NGEF: variants seen among roughly 807,000 people sequenced by gnomAD.
NGEF encodes neuronal guanine nucleotide exchange factor.
NGEF carries 31 observed loss-of-function variants against 80.9 expected under a neutral mutation model. The ratio of observed to expected loss-of-function variants is 0.38; its 90% CI spans 0.29 to 0.52. The LOEUF (loss-of-function observed/expected upper bound fraction) is 0.52. NGEF is among the 20% of genes least tolerant of loss of function. The pLI, the probability that NGEF is intolerant of heterozygous loss-of-function variation, is 0.84. For missense variants in NGEF, 709 were observed against 926.2 expected, an observed-to-expected ratio of 0.77 and a Z score of 3.04; for synonymous variants, 371 against 370.2, an observed-to-expected ratio of 1.00 and a Z score of -0.03.
At chr2:232,937,452 A>C (rs1472783318) in intron 3 of NGEF, among the ~76,000 whole-genome samples, 3 of 152,190 alleles carry the variant, frequency 2.0e-5, no homozygotes, top group Non-Finnish European at 4.4e-5. Context: ...TTCATTGCTC[A>C]ATGGAGTTAA....
chr2:232,983,615 G>A (rs11674826), intron 1 of NGEF, among the ~76,000 whole-genome samples: 8,701 of 152,198 alleles, frequency 0.057, 429 homozygotes, highest in East Asian at 0.21. Context: ...TCATTAACAC[G>A]CTAGGAGAGG....
chr2:232,924,167 G>A (rs1693009084), intron 4 of NGEF, among the ~76,000 whole-genome samples: 1 of 152,150 alleles, frequency 6.6e-6, no homozygotes, highest in Non-Finnish European at 1.5e-5. Flanking sequence ...AACCCGGGAG[G>A]AGGAGGCTGC....
At chr2:232,948,613 G>A (rs915044368) in intron 3 of NGEF, among the ~76,000 whole-genome samples, 8 of 152,094 alleles carry the variant, frequency 5.3e-5, no homozygotes, top group African/African-American at 1.7e-4. Flanking sequence ...AGCTTATTGT[G>A]CTATTCTTTT....
chr2:232,927,265 C>T (rs1693093173), intron 3 of NGEF, 79 bp from the exon 4 acceptor site: 3 of 1,446,654 alleles, frequency 2.1e-6, no homozygotes, highest in Non-Finnish European at 2.7e-6. Context: ...GGGGCGTGCG[C>T]ACAGGCGGCT....
chr2:232,977,259 C>T lies in NGEF; in HGVS notation c.-74-2295G>A, dbSNP rs568852208. Among the ~76,000 whole-genome samples, 27 of 152,240 alleles carry T rather than the reference C, an allele frequency of 1.8e-4. 2 individuals carry two copies. In the East Asian group the frequency reaches 3.5e-3, roughly 20 times the overall value. ...TCCACCAGAAAAGTGGCTGCAAGGA[C>T]GGGCAGAGACTCGGGAGGGACGAGG... On this transcript the variant is annotated intron_variant, in intron 1 of 14. Coordinates refer to ENST00000264051, the MANE Select transcript of NGEF (RefSeq NM_019850.3).
intron 13 of NGEF, among the ~76,000 whole-genome samples, chr2:232,881,609 C>T (rs1032217972): frequency 6.6e-6 from 1 of 152,118 alleles, no homozygotes; most frequent in African/African-American, 2.4e-5. Flanking sequence ...CTTTTTGAGA[C>T]AGAGTCTCCC....
At chr2:232,947,676 T>C (rs1247526377) in intron 3 of NGEF, among the ~76,000 whole-genome samples, 1 of 152,170 alleles carries the variant, frequency 6.6e-6, no homozygotes, top group Non-Finnish European at 1.5e-5. Flanking sequence ...GTCAACTAAA[T>C]CTCTTTCCTT....
chr2:232,977,683 T>C (rs934235316), intron 1 of NGEF, among the ~76,000 whole-genome samples: 2 of 152,120 alleles, frequency 1.3e-5, no homozygotes, highest in Non-Finnish European at 2.9e-5. Context: ...TGCCAGTCTG[T>C]GGAGGCCTCT....
intron 2 of NGEF, 123 bp downstream of exon 2, chr2:232,974,500 T>C (rs1056817202): frequency 1.4e-5 from 16 of 1,179,302 alleles, no homozygotes; most frequent in Non-Finnish European, 1.8e-5. Flanking sequence ...CACTACCCTG[T>C]TGAAACTGTC....
At chr2:232,997,117 G>A (rs1180853921) in intron 1 of NGEF, among the ~76,000 whole-genome samples, 1 of 150,848 alleles carries the variant, frequency 6.6e-6, no homozygotes, top group Non-Finnish European at 1.5e-5. Flanking sequence ...GTGCCGTGTG[G>A]CAGTGGTTCT....
At chr2:232,905,317 TGGTCTCCA>T (rs1292266458) in intron 5 of NGEF, among the ~76,000 whole-genome samples, 1 of 152,252 alleles carries the variant, frequency 6.6e-6, no homozygotes, top group Non-Finnish European at 1.5e-5. Flanking sequence ...TTGGCCGGGC[TGGTCTCCA>T]GCTCCTAACC....
rs1232823648 is a variant in NGEF at position 232,892,051 on chromosome 2, C to G, written c.1143-564G>C. On this transcript the variant is annotated intron_variant, in intron 7 of 14. Coordinates refer to ENST00000264051, the MANE Select transcript of NGEF (RefSeq NM_019850.3). The surrounding 1 kb of genome is among the most constrained non-coding windows in gnomAD (Gnocchi z 4.0). ...CTGTCACTCAGCCTCTGTGCTCACACGGCCTGGCGGGGGCCACAGCGGCAG... is the reference window on the plus strand; with the variant it reads ...CTGTCACTCAGCCTCTGTGCTCACAGGGCCTGGCGGGGGCCACAGCGGCAG... Among the ~76,000 whole-genome samples, 2 of 151,970 alleles carry G rather than the reference C, an allele frequency of 1.3e-5. No individual in the cohort carries two copies. The highest frequency in any genetic ancestry group is 6.6e-5 in the Admixed American group (1 of 15,262).
chr2:232,942,108 C>T (rs1693449263), intron 3 of NGEF, among the ~76,000 whole-genome samples: 1 of 152,234 alleles, frequency 6.6e-6, no homozygotes, highest in Non-Finnish European at 1.5e-5. Context: ...CTTCCCTGCC[C>T]TCCTGCATGG....
chr2:232,946,061 T>TGA (rs1335089927), intron 3 of NGEF, among the ~76,000 whole-genome samples: 6 of 108,440 alleles, frequency 5.5e-5, no homozygotes, highest in Non-Finnish European at 1.1e-4. Flanking sequence ...AATATATATC[T>TGA]GATATATATA....
rs767101955 is a variant in NGEF, at chr2:232,912,273, T to G, written c.828+8011A>C. 8.4e-4 allele frequency among the ~76,000 whole-genome samples: 128 copies of G among 151,568 alleles called. 1 individual carries two copies. Among genetic ancestry groups the G allele is most frequent in the Non-Finnish European group, 1.7e-3 (112 of 67,762 alleles). ...ATCAATTGTTGTAGTAACCATGCAGTTTTTTTTTCTTGTTTAGACTGTTAA... is the reference window on the plus strand; with the variant it reads ...ATCAATTGTTGTAGTAACCATGCAGGTTTTTTTTCTTGTTTAGACTGTTAA... On this transcript the variant is annotated intron_variant, in intron 5 of 14. Coordinates refer to ENST00000264051, the MANE Select transcript of NGEF (RefSeq NM_019850.3).
chr2:232,970,112 T>A (rs1364807429), intron 3 of NGEF, 102 bp downstream of exon 3: 2 of 528,184 alleles, frequency 3.8e-6, no homozygotes, highest in African/African-American at 2.0e-5. Flanking sequence ...TATTATTATT[T>A]TTTTTAACAT....
At chr2:232,974,440 C>T (rs552091861) in intron 2 of NGEF, among the ~76,000 whole-genome samples, 183 bp downstream of exon 2, 47 of 152,204 alleles carry the variant, frequency 3.1e-4, no homozygotes, top group Non-Finnish European at 5.3e-4. Flanking sequence ...TAAGTACACA[C>T]GTCATCATAG....
intron 2 of NGEF, 112 bp from the exon 3 acceptor site, chr2:232,970,440 A>C (rs75687703): frequency 0.11 from 71,085 of 676,878 alleles, 4,449 homozygotes; most frequent in Middle Eastern, 0.19. Context: ...TGGAGGAAGC[A>C]GAGTGGGAAG....
chr2:233,004,086 A>G (rs1695036915), intron 1 of NGEF, among the ~76,000 whole-genome samples: 1 of 152,012 alleles, frequency 6.6e-6, no homozygotes, highest in South Asian at 2.1e-4. Flanking sequence ...CACCCCCTTG[A>G]TCTCTGTCAC....
Sources: gnomAD v4.1 joint callset for allele counts (sites outside exome capture counted in the v4.1 genomes callset) on GRCh38, gnomAD v4.1.1 for gene constraint, Gnocchi (gnomAD v3.1) non-coding constraint, MANE v1.5 for transcripts, NCBI Gene and HGNC (gene_info 2026-07-23, HGNC 2026-07-21) for gene names.